The following NAV1 variants were observed in gnomAD, a reference collection of about 807,000 sequenced individuals.
NAV1 encodes the protein neuron navigator 1, also known as pore membrane and/or filament interacting like protein 3.
NAV1 carries 18 observed loss-of-function variants against 175.2 expected under a neutral mutation model. That is an observed-to-expected ratio of 0.10 (90% CI 0.07 to 0.15). The LOEUF (loss-of-function observed/expected upper bound fraction) is 0.15, where lower values mean the gene tolerates loss of function less well. Ranked by LOEUF, NAV1 falls within the 10% of genes least tolerant of loss-of-function variation. The pLI, the probability that NAV1 is intolerant of heterozygous loss-of-function variation, is 1.00. For missense variants in NAV1, 1,731 were observed against 2,436.6 expected (o/e 0.71, Z 6.10); for synonymous variants, 897 against 978.7 (o/e 0.92, Z 1.56).
chr1:201,610,506 T>C (rs1248277291), intron 2 of NAV1, among the ~76,000 whole-genome samples: 1 of 152,176 alleles, frequency 6.6e-6, no homozygotes, highest in Non-Finnish European at 1.5e-5. Context: ...CCTAGGGTGA[T>C]AGGATGAGAG....
At position 201,539,985 on chromosome 1, in the gene NAV1, G is replaced by A. The variant is rs1391543801; in HGVS notation, c.-144+643G>A. Among the ~76,000 whole-genome samples, 2 of 152,240 alleles carry A rather than the reference G, an allele frequency of 1.3e-5. No homozygotes were observed. Among genetic ancestry groups the A allele is most frequent in the Admixed American group, 1.3e-4 (2 of 15,292 alleles). On this transcript the variant is annotated intron_variant, in intron 1 of 33. Transcript: ENST00000685211. The surrounding 1 kb of genome is among the most constrained non-coding windows in gnomAD (Gnocchi z 5.6). ...GTCCCGGAGGAGAGGGGAGAGAGGA[G>A]AACGCAGAAATTGGGTGATCACGGG...
chr1:201,698,745 G>T (rs1437760603), intron 1 of NAV1, among the ~76,000 whole-genome samples: 1 of 152,222 alleles, frequency 6.6e-6, no homozygotes, highest in Non-Finnish European at 1.5e-5. Flanking sequence ...TTCTGCGAAA[G>T]GAAGTGATGT....
chr1:201,595,249 T>C (rs1271144802), intron 2 of NAV1, among the ~76,000 whole-genome samples: 1 of 152,210 alleles, frequency 6.6e-6, no homozygotes, highest in African/African-American at 2.4e-5. Context: ...AGCTCTTCTG[T>C]GGGCCCTGAC....
chr1:201,796,980 T>C (rs2102764729), intron 15 of NAV1: 1 of 152,344 alleles, frequency 6.6e-6, no homozygotes, highest in Non-Finnish European at 1.5e-5. Flanking sequence ...AGAACAAAAG[T>C]TTTCCATTTT....
At chr1:201,731,316 G>A (rs1317831565) in intron 3 of NAV1, among the ~76,000 whole-genome samples, 1 of 152,056 alleles carries the variant, frequency 6.6e-6, no homozygotes, top group African/African-American at 2.4e-5. Context: ...GCACAAGATC[G>A]ACTGTTTGAG....
chr1:201,788,320 G>GCACCTGCCCCTTCCT lies in NAV1; in HGVS notation c.2996-146_2996-132dup. 1.3e-6 allele frequency: 1 copy of GCACCTGCCCCTTCCT among 766,872 alleles called. No homozygotes were observed. Among genetic ancestry groups the GCACCTGCCCCTTCCT allele is most frequent in the Non-Finnish European group, 2.2e-6 (1 of 462,930 alleles). The allele number at this position is 766,872 out of a possible 1,614,324, so 47.5% of individuals were successfully genotyped here. On this transcript the variant is annotated intron_variant, in intron 9 of 29. Coordinates refer to ENST00000367296, the Ensembl canonical transcript of NAV1. The surrounding 1 kb of genome is among the most constrained non-coding windows in gnomAD (Gnocchi z 5.7). ...CAGCTGCTTGCACACTCCCACCACC[G>GCACCTGCCCCTTCCT]CACCTGCCCCTTCCTCTCCTGCCCT...
At chr1:201,583,595 C>T (rs1356730145) in intron 1 of NAV1, among the ~76,000 whole-genome samples, 1 of 152,186 alleles carries the variant, frequency 6.6e-6, no homozygotes, top group Non-Finnish European at 1.5e-5. Flanking sequence ...TGGAATGGTT[C>T]TGTTACAAGC....
intron 2 of NAV1, among the ~76,000 whole-genome samples, chr1:201,642,074 T>TCCTC (rs756574975): frequency 4.8e-5 from 7 of 145,776 alleles, no homozygotes; most frequent in Non-Finnish European, 7.6e-5. Flanking sequence ...TTTTTTTCCT[T>TCCTC]CCTCCCTCCC....
upstream of NAV1, among the ~76,000 whole-genome samples, chr1:201,620,453 CTTTTTTTTTTT>C (rs71861939): frequency 1.1e-5 from 1 of 94,552 alleles, no homozygotes; most frequent in Non-Finnish European, 1.9e-5. Context: ...GACATATACT[CTTTTTTTTTTT>C]TTTTTTTTTT....
chr1:201,620,553 G>T (rs1176185214), upstream of NAV1, among the ~76,000 whole-genome samples: 1 of 144,480 alleles, frequency 6.9e-6, no homozygotes, highest in African/African-American at 2.7e-5. Flanking sequence ...CTGCCTCCCA[G>T]GTTCAAGCAA....
chr1:201,551,406 T>G (rs115559935), intron 1 of NAV1, among the ~76,000 whole-genome samples: 1,669 of 152,242 alleles, frequency 0.011, 21 homozygotes, highest in Non-Finnish European at 0.02. Context: ...CTTTTACATT[T>G]TTTGTAGAGA....
At chr1:201,660,066 A>G (rs1193750377) in intron 1 of NAV1, among the ~76,000 whole-genome samples, 1 of 152,130 alleles carries the variant, frequency 6.6e-6, no homozygotes, top group East Asian at 1.9e-4. Flanking sequence ...TCATGCTCCC[A>G]CAGGGCCTTG....
chr1:201,809,402 G>A, intron 21 of NAV1, 40 bp from the exon 26 acceptor site: 1 of 1,606,382 alleles, frequency 6.2e-7, no homozygotes, highest in Non-Finnish European at 8.5e-7. Flanking sequence ...GGAGTCATCT[G>A]CAGTGAAGCT....
chr1:201,631,918 G>A (rs1233043404), intron 2 of NAV1, among the ~76,000 whole-genome samples: 1 of 152,078 alleles, frequency 6.6e-6, no homozygotes. Context: ...ACAGTGCCTG[G>A]CGGTCAGGGT....
In NAV1 at chr1:201,756,810, T is replaced by TTCTTTCTTTCTTTC. The variant is rs1558131303; in HGVS notation, c.1227-23609_1227-23596dup. On this transcript the variant is annotated intron_variant, in intron 3 of 29. Transcript: ENST00000367296. The stretch of plus-strand genomic sequence containing the variant: ...TGAGCAATTCTCTTTCTTTCTTTCC[T>TTCTTTCTTTCTTTC]TCTTTCTTTCTTTCTTTCTTTCTTT... Among the ~76,000 whole-genome samples, 24 of 928 alleles carry TTCTTTCTTTCTTTC rather than the reference T, an allele frequency of 0.026. No individual in the cohort carries two copies. The South Asian group carries it at 0.28, about 11-fold the overall frequency. 0.6% of individuals were successfully genotyped at this position (928 alleles called of 152,430 possible). A position where few individuals can be genotyped will look rare whatever the true frequency, so the allele number is the denominator to read the frequency against.
chr1:201,577,400 T>C (rs961587727), intron 1 of NAV1, among the ~76,000 whole-genome samples: 12 of 152,182 alleles, frequency 7.9e-5, no homozygotes, highest in Non-Finnish European at 5.9e-5. Flanking sequence ...CCTCAAAGTT[T>C]TATATTTTTA....
chr1:201,710,592 C>T (rs4950746), intron 1 of NAV1, among the ~76,000 whole-genome samples: 67,647 of 152,074 alleles, frequency 0.44, 15,510 homozygotes, highest in South Asian at 0.63. Context: ...GCAGCCTAAG[C>T]GCCTCCTATA....
At chr1:201,605,218 A>C (rs1230875183) in intron 2 of NAV1, among the ~76,000 whole-genome samples, 21 of 114,300 alleles carry the variant, frequency 1.8e-4, no homozygotes, top group Admixed American at 3.2e-4. Flanking sequence ...TCTACTTTCC[A>C]CCTTCCCTCT....
chr1:201,741,962 G>A (rs1224548802), intron 3 of NAV1, among the ~76,000 whole-genome samples: 2 of 152,180 alleles, frequency 1.3e-5, no homozygotes, highest in South Asian at 2.1e-4. Context: ...CCAGGTTGAG[G>A]AGCAGGTCAT....
Sources: gnomAD v4.1 joint callset for allele counts (sites outside exome capture counted in the v4.1 genomes callset) on GRCh38, gnomAD v4.1.1 for gene constraint, Gnocchi (gnomAD v3.1) non-coding constraint, MANE v1.5 for transcripts, NCBI Gene and HGNC (gene_info 2026-07-23, HGNC 2026-07-21) for gene names.